Variants in NCOA3 observed in about 807,000 individuals in gnomAD.
NCOA3 encodes CBP-interacting protein.
Under a neutral mutation model 158.8 loss-of-function variants are expected in NCOA3, and 51 were observed. The ratio of observed to expected loss-of-function variants is 0.32; its 90% CI spans 0.26 to 0.41. NCOA3 has a LOEUF of 0.41. Among genes scored for constraint, NCOA3 ranks in the 10% least tolerant of loss-of-function variants. The pLI is 1.00. For missense variants in NCOA3, 1,510 were observed against 1,746.6 expected, an observed-to-expected ratio of 0.86 and a Z score of 2.41; for synonymous variants, 537 against 592.4, an observed-to-expected ratio of 0.91 and a Z score of 1.36.
intron 2 of NCOA3, among the ~76,000 whole-genome samples, chr20:47,597,863 C>T (rs1314577217): frequency 6.6e-6 from 1 of 152,014 alleles, no homozygotes; most frequent in Non-Finnish European, 1.5e-5. Context: ...TGCATGTTGT[C>T]TGCTTTCCCC....
At chr20:47,556,236 A>G (rs1404728148) in intron 1 of NCOA3, among the ~76,000 whole-genome samples, 3 of 152,220 alleles carry the variant, frequency 2.0e-5, no homozygotes. Context: ...TGCCAAGCCT[A>G]TTAAAGTTAT....
Position 47,583,166 on chromosome 20 carries a change from CT to C in NCOA3, c.-98-15del. On this transcript the variant is annotated splice_polypyrimidine_tract_variant and intron_variant, in intron 1 of 22. Coordinates refer to ENST00000371998, the MANE Select transcript of NCOA3 (RefSeq NM_181659.3). ...AAGACAATAAAATTCAATCCCTCCT[CT>C]TCTTTTTGTCCTCAGGATCAAAATA... 1 of 398,628 alleles carries C rather than the reference CT, an allele frequency of 2.5e-6. No individual in the cohort carries two copies. Among genetic ancestry groups the C allele is most frequent in the Non-Finnish European group, 4.4e-6 (1 of 226,050 alleles). 24.7% of individuals were successfully genotyped at this position (398,628 alleles called of 1,614,324 possible).
chr20:47,634,149 G>A lies in NCOA3; in HGVS notation c.1066G>A (p.Val356Ile). 1 of 1,614,122 alleles carries A rather than the reference G, an allele frequency of 6.2e-7. No individual in the cohort carries two copies. The highest frequency in any genetic ancestry group is 8.5e-7 in the Non-Finnish European group (1 of 1,180,038). Residue 356 changes from valine (V) to isoleucine (I), a missense_variant, in exon 10 of 23, where the codon GTA becomes ATA. Val to Ile is a conservative substitution (Grantham distance 29, BLOSUM62 3). Around this residue, in one of 4 missense-constraint regions of NCOA3, gnomAD observed 1,017 missense variants for 1,098.3 expected, o/e 0.93. Transcript: ENST00000371998. ...AAAAAGCAAACTCTTCCGAAATCCT[G>A]TAACAAATGATCGACATGGCTTTGT... ...QTKSKLFRNP[V>I]TNDRHGFVST...
chr20:47,554,941 T>C (rs2084978707), intron 1 of NCOA3, among the ~76,000 whole-genome samples: 1 of 152,176 alleles, frequency 6.6e-6, no homozygotes, highest in African/African-American at 2.4e-5. Context: ...GGCATCACGC[T>C]ACCTGACTTC....
intron 2 of NCOA3, among the ~76,000 whole-genome samples, chr20:47,589,533 G>A (rs961470033): frequency 2.6e-5 from 4 of 151,738 alleles, no homozygotes; most frequent in Admixed American, 6.6e-5. Flanking sequence ...CCACTACTAA[G>A]CCCAGCTAAT....
intron 1 of NCOA3, among the ~76,000 whole-genome samples, chr20:47,556,375 T>G (rs1200791250): frequency 6.6e-6 from 1 of 152,180 alleles, no homozygotes; most frequent in African/African-American, 2.4e-5. Flanking sequence ...CTCCACAAGG[T>G]TAGAATTGAC....
At chr20:47,576,209 T>C (rs2085369864) in intron 1 of NCOA3, among the ~76,000 whole-genome samples, 1 of 152,200 alleles carries the variant, frequency 6.6e-6, no homozygotes, top group Non-Finnish European at 1.5e-5. Context: ...ATTACCTGTG[T>C]ATAGTAATGG....
intron 1 of NCOA3, among the ~76,000 whole-genome samples, chr20:47,562,800 T>G (rs1342901312): frequency 6.6e-6 from 1 of 152,210 alleles, no homozygotes; most frequent in Non-Finnish European, 1.5e-5. Context: ...ATTTTCTAAA[T>G]TCTTCTTTTT....
chr20:47,543,489 T>C (rs1174275395), intron 1 of NCOA3, among the ~76,000 whole-genome samples: 1 of 151,962 alleles, frequency 6.6e-6, no homozygotes, highest in Non-Finnish European at 1.5e-5. Context: ...AAAGAAAAAC[T>C]TTTTCTTTCT....
At chr20:47,519,155 C>T (rs1215314554) in intron 1 of NCOA3, among the ~76,000 whole-genome samples, 2 of 125,706 alleles carry the variant, frequency 1.6e-5, no homozygotes, top group Non-Finnish European at 3.4e-5. Context: ...AAAGAAAAAG[C>T]CAGGCACGGT....
chr20:47,533,946 A>G (rs2084591707), intron 1 of NCOA3, among the ~76,000 whole-genome samples: 2 of 152,112 alleles, frequency 1.3e-5, no homozygotes, highest in East Asian at 1.9e-4. Context: ...AACAAACGAA[A>G]AAACAAAACA....
At chr20:47,559,710 G>A (rs1041342238) in intron 1 of NCOA3, among the ~76,000 whole-genome samples, 2 of 151,514 alleles carry the variant, frequency 1.3e-5, no homozygotes, top group Non-Finnish European at 2.9e-5. Flanking sequence ...GTGAAACCCC[G>A]TCTCTACTAA....
At chr20:47,553,642 T>C (rs538933849) in intron 1 of NCOA3, among the ~76,000 whole-genome samples, 22 of 146,036 alleles carry the variant, frequency 1.5e-4, no homozygotes, top group African/African-American at 4.8e-4. Context: ...AGTGAGAACA[T>C]GCGGTGTTTG....
At chr20:47,619,039 C>A (rs2086192685) in intron 2 of NCOA3, among the ~76,000 whole-genome samples, 1 of 152,088 alleles carries the variant, frequency 6.6e-6, no homozygotes, top group Non-Finnish European at 1.5e-5. Flanking sequence ...TGTTATAGAT[C>A]AGAATAAAGG....
chr20:47,509,479 G>T (rs544931678), intron 1 of NCOA3, among the ~76,000 whole-genome samples: 2 of 152,318 alleles, frequency 1.3e-5, no homozygotes, highest in South Asian at 4.1e-4. Context: ...GGGATTTTCA[G>T]TCCCCTCCTT....
chr20:47,533,734 G>A (rs1426584665), intron 1 of NCOA3, among the ~76,000 whole-genome samples: 2 of 152,116 alleles, frequency 1.3e-5, no homozygotes, highest in African/African-American at 4.8e-5. Flanking sequence ...TTTGAGACCA[G>A]CCTGAGCAAC....
At chr20:47,648,892 C>T (rs915795520) in intron 18 of NCOA3, 113 bp from the exon 19 acceptor site, 3 of 628,384 alleles carry the variant, frequency 4.8e-6, no homozygotes, top group African/African-American at 1.8e-5. Context: ...GTGACTTAGC[C>T]AGGTTATTGT....
At chr20:47,597,793 C>G (rs942665614) in intron 2 of NCOA3, among the ~76,000 whole-genome samples, 8 of 151,736 alleles carry the variant, frequency 5.3e-5, no homozygotes, top group Non-Finnish European at 8.8e-5. Context: ...CTGGCCTAAC[C>G]TTTCCTTTTG....
chr20:47,524,216 G>T lies in NCOA3; in HGVS notation c.-99+22197G>T, dbSNP rs554361337. Among the ~76,000 whole-genome samples, 13 of 151,124 alleles carry T rather than the reference G, an allele frequency of 8.6e-5. No individual in the cohort carries two copies. The East Asian group carries it at 2.5e-3, about 30-fold the overall frequency. On this transcript the variant is annotated intron_variant, in intron 1 of 22. Coordinates refer to ENST00000371998, the MANE Select transcript of NCOA3 (RefSeq NM_181659.3). Reference sequence around the variant, plus strand: ...AGGAATACCATGTGTTTGCCAGAATGTAGAGAGAGAGAGACATTTATTGAA... The same window carrying T: ...AGGAATACCATGTGTTTGCCAGAATTTAGAGAGAGAGAGACATTTATTGAA...
Sources: gnomAD v4.1 joint callset for allele counts (sites outside exome capture counted in the v4.1 genomes callset) on GRCh38, gnomAD v4.1.1 for gene constraint, gnomAD v4.1.1 regional missense constraint, MANE v1.5 for transcripts, NCBI Gene and HGNC (gene_info 2026-07-23, HGNC 2026-07-21) for gene names.